Variants in SHROOM3 observed in about 807,000 individuals in gnomAD.
SHROOM3 encodes the protein shroom family member 3, also known as protein Shroom3.
In SHROOM3, 47 loss-of-function variants were observed where a neutral mutation model predicts 138.6. That is an observed-to-expected ratio of 0.34 (90% CI 0.27 to 0.43). SHROOM3 has a LOEUF of 0.43. Ranked by LOEUF, SHROOM3 falls within the 20% of genes least tolerant of loss-of-function variation. The probability of loss-of-function intolerance (pLI) is 1.00; values close to 1 mark genes in which losing one functional copy is unlikely to be tolerated. For synonymous variants in SHROOM3, 1,062 were observed against 1,063.3 expected (o/e 1.00, Z 0.02); for missense variants, 2,491 against 2,596.5 (o/e 0.96, Z 0.88).
At chr4:76,508,238 A>G (rs979447432) in intron 1 of SHROOM3, among the ~76,000 whole-genome samples, 2 of 152,138 alleles carry the variant, frequency 1.3e-5, no homozygotes, top group Admixed American at 1.3e-4. Context: ...TGTCTATGGT[A>G]TGAGCTAAGG....
Position 76,741,528 on chromosome 4 carries a change from G to A in SHROOM3, c.3355G>A (p.Ala1119Thr), listed in dbSNP as rs376919921. Reference sequence around the variant, plus strand: ...GCCACTGCGTGAGCGCGCCCAGAGTGCCTACCTCCAGCCCGGCCCCGCGGC... The same window carrying A: ...GCCACTGCGTGAGCGCGCCCAGAGTACCTACCTCCAGCCCGGCCCCGCGGC... The part of the protein sequence containing the change: ...PGPLRERAQS[A>T]YLQPGPAALE... Residue 1119 changes from alanine to threonine, a missense_variant, in exon 5 of 11, where the codon GCC becomes ACC. By Grantham distance (58) the Ala-to-Thr change is moderately conservative. Transcript: ENST00000296043. This position sits in a 1 kb window ranked among gnomAD's most constrained non-coding sequence, Gnocchi z 6.2. 160 of 1,554,274 alleles carry A rather than the reference G, an allele frequency of 1.0e-4. No individual in the cohort carries two copies. In the African/African-American group the frequency reaches 2.0e-3, roughly 20 times the overall value.
intron 2 of SHROOM3, among the ~76,000 whole-genome samples, chr4:76,655,582 G>A (rs901137577): frequency 2.6e-5 from 4 of 152,172 alleles, no homozygotes; most frequent in Non-Finnish European, 5.9e-5. Flanking sequence ...TTTCTCTAGG[G>A]TTGCTCACTT....
chr4:76,476,852 A>G (rs973493112), intron 1 of SHROOM3, among the ~76,000 whole-genome samples: 1 of 152,206 alleles, frequency 6.6e-6, no homozygotes, highest in Non-Finnish European at 1.5e-5. Context: ...GAGCTGGGAT[A>G]GGCTTGGCTA....
At chr4:76,665,875 G>C (rs186438902) in intron 2 of SHROOM3, among the ~76,000 whole-genome samples, 8 of 150,970 alleles carry the variant, frequency 5.3e-5, no homozygotes, top group Admixed American at 5.3e-4. Context: ...GCCATCAGGC[G>C]TGACATCCTG....
chr4:76,558,487 G>C (rs554073105), intron 2 of SHROOM3, among the ~76,000 whole-genome samples: 3 of 152,154 alleles, frequency 2.0e-5, no homozygotes, highest in Non-Finnish European at 4.4e-5. Flanking sequence ...ATATATGCTG[G>C]TTCCCTGGTT....
chr4:76,466,526 C>T (rs533519076), intron 1 of SHROOM3, among the ~76,000 whole-genome samples: 3 of 152,314 alleles, frequency 2.0e-5, no homozygotes, highest in South Asian at 2.1e-4. Context: ...AGTGTCTGTA[C>T]GCCTCAGGTA....
rs539800051 is a variant in SHROOM3, at chr4:76,729,518, G to A, written c.456-1286G>A. 8.5e-5 allele frequency among the ~76,000 whole-genome samples: 13 copies of A among 152,212 alleles called. 1 individual carries two copies. Among genetic ancestry groups the A allele is most frequent in the African/African-American group, 2.4e-4 (10 of 41,542 alleles). ...GAGTTGAAGTATATGTTTGTGTTTTGTTTTGTTTTTAAGTCATCATCTATT... is the reference window on the plus strand; with the variant it reads ...GAGTTGAAGTATATGTTTGTGTTTTATTTTGTTTTTAAGTCATCATCTATT... On this transcript the variant is annotated intron_variant, in intron 3 of 10. Coordinates refer to ENST00000296043, the MANE Select transcript of SHROOM3 (RefSeq NM_020859.4).
At chr4:76,692,226 T>C (rs1016384921) in intron 2 of SHROOM3, among the ~76,000 whole-genome samples, 1 of 152,226 alleles carries the variant, frequency 6.6e-6, no homozygotes, top group Non-Finnish European at 1.5e-5. Context: ...TGGGATTTCT[T>C]CATGCATGTC....
At chr4:76,755,901 CA>C in intron 7 of SHROOM3, among the ~76,000 whole-genome samples, 1 of 152,208 alleles carries the variant, frequency 6.6e-6, no homozygotes, top group African/African-American at 2.4e-5. Flanking sequence ...CTCAAAACAC[CA>C]AAAAAACACA....
chr4:76,630,170 C>G (rs1735272740), intron 2 of SHROOM3, among the ~76,000 whole-genome samples: 1 of 152,184 alleles, frequency 6.6e-6, no homozygotes, highest in Non-Finnish European at 1.5e-5. Flanking sequence ...ACAGCTTGAA[C>G]TAGGGGTCAT....
At chr4:76,738,398 G>C (rs1035825451) in intron 4 of SHROOM3, among the ~76,000 whole-genome samples, 1 of 152,152 alleles carries the variant, frequency 6.6e-6, no homozygotes, top group African/African-American at 2.4e-5. Flanking sequence ...CACAGTTTCA[G>C]TCTCAATCAC....
Position 76,608,621 on chromosome 4 carries a change from G to GC in SHROOM3, c.323+52858_323+52859insC, listed in dbSNP as rs1560563230. 1.1e-3 allele frequency among the ~76,000 whole-genome samples: 102 copies of GC among 91,544 alleles called. 7 individuals carry two copies. The highest frequency in any genetic ancestry group is 2.8e-3 in the African/African-American group (64 of 22,948). 60.1% of individuals were successfully genotyped at this position (91,544 alleles called of 152,430 possible). On this transcript the variant is annotated intron_variant, in intron 2 of 10. Coordinates refer to ENST00000296043, the MANE Select transcript of SHROOM3 (RefSeq NM_020859.4). ...ATAGCATAGCATAGCATTGGACAGA[G>GC]ATGGTATAGCATAGCATAGCATAGC...
intron 2 of SHROOM3, among the ~76,000 whole-genome samples, chr4:76,595,526 G>A (rs531368714): frequency 5.9e-5 from 9 of 152,308 alleles, no homozygotes; most frequent in African/African-American, 1.9e-4. Flanking sequence ...AACAAGGGAA[G>A]GAGTTCTAGT....
At chr4:76,551,659 A>G (rs938870709) in intron 1 of SHROOM3, among the ~76,000 whole-genome samples, 1 of 152,152 alleles carries the variant, frequency 6.6e-6, no homozygotes, top group East Asian at 1.9e-4. Context: ...AGTCTCTTCA[A>G]TAACTTCACA....
chr4:76,739,031 G>A lies in SHROOM3; in HGVS notation c.858G>A (p.Met286Ile), dbSNP rs750480368. Residue 286 changes from methionine (M) to isoleucine (I), a missense_variant, in exon 5 of 11, where the codon ATG (methionine) becomes ATA (isoleucine). Met to Ile is a conservative substitution (Grantham distance 10, BLOSUM62 1). Transcript: ENST00000296043. ...CTGGCCGGGAGCGTTCAGGCTCCAT[G>A]GACAATACTTCTGCTCGAGGTGGCC... The part of the protein sequence containing the change: ...GISGRERSGS[M>I]DNTSARGGLL... 3.1e-6 allele frequency: 5 copies of A among 1,614,212 alleles called. No homozygotes were observed. The Admixed American group carries it at 6.7e-5, about 22-fold the overall frequency.
chr4:76,601,124 A>G lies in SHROOM3; in HGVS notation c.323+45361A>G, dbSNP rs1017669743. 3.3e-5 allele frequency among the ~76,000 whole-genome samples: 5 copies of G among 152,378 alleles called. No individual in the cohort carries two copies. The South Asian group carries it at 1.0e-3, about 32-fold the overall frequency. ...TCAGAGTGTTTAAAATTAGCCACCC[A>G]TAGTTTGCTGTAAAACAGAAATAAA... is the stretch of plus-strand genomic sequence containing the variant. On this transcript the variant is annotated intron_variant, in intron 2 of 10. Coordinates refer to ENST00000296043, the MANE Select transcript of SHROOM3 (RefSeq NM_020859.4).
chr4:76,563,891 A>C lies in SHROOM3; in HGVS notation c.323+8128A>C, dbSNP rs143849633. On this transcript the variant is annotated intron_variant, in intron 2 of 10. Coordinates refer to ENST00000296043, the MANE Select transcript of SHROOM3 (RefSeq NM_020859.4). ...CTTTCAAGACACAAAAAAAGGCCCG[A>C]TGCTGTGCTCTGTGGTTAACTCCTG... Among the ~76,000 whole-genome samples the C allele has an allele frequency of 3.2e-3, 491 of 152,310 alleles. 5 individuals are homozygous for C. The highest frequency in any genetic ancestry group is 0.014 in the Middle Eastern group (4 of 294).
rs572215659 is a variant in SHROOM3 at position 76,560,441 on chromosome 4, T to C, written c.323+4678T>C. 2.0e-5 allele frequency among the ~76,000 whole-genome samples: 3 copies of C among 152,348 alleles called. No individual in the cohort carries two copies. In the East Asian group the frequency reaches 5.8e-4, roughly 29 times the overall value. The stretch of plus-strand genomic sequence containing the variant: ...TACCCTGAGTTCAGACTCAGACTCC[T>C]ATCCTGAATTGGATTATCAGAATGG... On this transcript the variant is annotated intron_variant, in intron 2 of 10. Transcript: ENST00000296043.
chr4:76,718,686 G>A (rs556658666), intron 3 of SHROOM3, among the ~76,000 whole-genome samples: 42 of 152,318 alleles, frequency 2.8e-4, no homozygotes, highest in African/African-American at 7.7e-4. Flanking sequence ...CTCCAAAAGA[G>A]AATTCAGTTT....
Sources: allele counts gnomAD v4.1 joint callset (sites outside exome capture counted in the v4.1 genomes callset), GRCh38; gene constraint gnomAD v4.1.1; non-coding constraint Gnocchi (gnomAD v3.1); transcripts MANE v1.5; gene names NCBI Gene and HGNC (gene_info 2026-07-23, HGNC 2026-07-21).